The following LHFPL6 variants were observed in gnomAD, a reference collection of about 807,000 sequenced individuals.
The protein encoded by LHFPL6 is LHFPL tetraspan subfamily member 6 protein.
LHFPL6 carries 9 observed loss-of-function variants against 20.6 expected under a neutral mutation model. The ratio of observed to expected loss-of-function variants is 0.44; its 90% CI spans 0.26 to 0.76. The LOEUF is 0.76. Ranked by LOEUF, LHFPL6 falls within the 30% of genes least tolerant of loss-of-function variation. LHFPL6 has a pLI of 0.20. For synonymous variants in LHFPL6, 105 were observed against 98.7 expected, an observed-to-expected ratio of 1.06 and a Z score of -0.38; for missense variants, 218 against 253.5, an observed-to-expected ratio of 0.86 and a Z score of 0.95.
intron 2 of LHFPL6, among the ~76,000 whole-genome samples, chr13:39,482,306 T>C (rs1483398722): frequency 2.0e-5 from 3 of 152,262 alleles, no homozygotes; most frequent in East Asian, 3.9e-4. Flanking sequence ...TGGCCTGGCA[T>C]GGTGGCACAT....
Position 39,570,934 on chromosome 13 carries a change from T to C in LHFPL6, c.385+29898A>G, listed in dbSNP as rs546422266. Among the ~76,000 whole-genome samples the C allele has an allele frequency of 3.9e-5, 6 of 152,340 alleles. No homozygotes were observed. In the South Asian group the frequency reaches 1.0e-3, roughly 26 times the overall value. ...TTTTACCCATGGATAACATTCTTTA[T>C]CTCCCCATCCAGTCAGATTCAGTAA... On this transcript the variant is annotated intron_variant, in intron 2 of 3. Transcript: ENST00000379589.
rs372228333 is a variant in LHFPL6 at position 39,422,454 on chromosome 13, C to T, written c.386-43928G>A. Among the ~76,000 whole-genome samples, 8 of 151,978 alleles carry T rather than the reference C, an allele frequency of 5.3e-5. No individual in the cohort carries two copies. In the East Asian group the frequency reaches 1.2e-3, roughly 22 times the overall value. Reference sequence around the variant, plus strand: ...ACAAACAATTAGCCAGGCATGGTGGCACATGCCTGTAATCTCAGCTACTCA... The same window carrying T: ...ACAAACAATTAGCCAGGCATGGTGGTACATGCCTGTAATCTCAGCTACTCA... On this transcript the variant is annotated intron_variant, in intron 2 of 3. Coordinates refer to ENST00000379589, the MANE Select transcript of LHFPL6 (RefSeq NM_005780.3).
At chr13:39,400,510 G>A (rs1053151105) in intron 2 of LHFPL6, among the ~76,000 whole-genome samples, 16 of 152,262 alleles carry the variant, frequency 1.1e-4, no homozygotes, top group South Asian at 2.1e-4. Context: ...AAGGCCGGGC[G>A]CGGTGGCTCA....
intron 3 of LHFPL6, among the ~76,000 whole-genome samples, chr13:39,374,004 C>T (rs1870223325): frequency 6.6e-6 from 1 of 152,138 alleles, no homozygotes; most frequent in African/African-American, 2.4e-5. Flanking sequence ...TACCATTCAA[C>T]CCAGCAATCC....
At position 39,472,818 on chromosome 13, in the gene LHFPL6, C is replaced by T. The variant is rs562832715; in HGVS notation, c.386-94292G>A. 5.2e-4 allele frequency among the ~76,000 whole-genome samples: 79 copies of T among 152,240 alleles called. 1 individual carries two copies. Among genetic ancestry groups the T allele is most frequent in the Middle Eastern group, 6.8e-3 (2 of 294 alleles). On this transcript the variant is annotated intron_variant, in intron 2 of 3. Transcript: ENST00000379589. ...GAGATATGGGGTTTCACCAGGTTGG[C>T]CAGGCTAGTCTCGAACTCCTGACCT...
At chr13:39,363,599 A>T (rs1320060693) in intron 3 of LHFPL6, among the ~76,000 whole-genome samples, 1 of 152,098 alleles carries the variant, frequency 6.6e-6, no homozygotes, top group African/African-American at 2.4e-5. Flanking sequence ...TCCCAATGAG[A>T]ACACTGCTCC....
At chr13:39,445,390 A>G (rs539199626) in intron 2 of LHFPL6, among the ~76,000 whole-genome samples, 1 of 152,314 alleles carries the variant, frequency 6.6e-6, no homozygotes, top group African/African-American at 2.4e-5. Context: ...TTTACTGAAA[A>G]TAACTTTTCC....
intron 2 of LHFPL6, among the ~76,000 whole-genome samples, chr13:39,475,284 C>A (rs911973028): frequency 6.6e-6 from 1 of 152,124 alleles, no homozygotes; most frequent in African/African-American, 2.4e-5. Context: ...CCTTGCTTAT[C>A]ATGTGTAGAT....
At chr13:39,434,785 G>A (rs977240136) in intron 2 of LHFPL6, among the ~76,000 whole-genome samples, 4 of 152,078 alleles carry the variant, frequency 2.6e-5, no homozygotes, top group Non-Finnish European at 4.4e-5. Flanking sequence ...GGCTGGGCGC[G>A]GTGGCTCACG....
intron 2 of LHFPL6, among the ~76,000 whole-genome samples, chr13:39,533,897 C>T (rs371739214): frequency 1.3e-5 from 2 of 152,228 alleles, no homozygotes; most frequent in South Asian, 4.2e-4. Flanking sequence ...TGGGGGGTGA[C>T]AGTCATAGTA....
At chr13:39,401,321 C>T (rs1232807447) in intron 2 of LHFPL6, among the ~76,000 whole-genome samples, 1 of 152,234 alleles carries the variant, frequency 6.6e-6, no homozygotes, top group East Asian at 1.9e-4. Context: ...GTTCCTCCCT[C>T]TCTGTCTCTC....
chr13:39,463,106 G>A (rs1482309804), intron 2 of LHFPL6, among the ~76,000 whole-genome samples: 4 of 152,140 alleles, frequency 2.6e-5, no homozygotes, highest in Non-Finnish European at 1.5e-5. Flanking sequence ...GGGCTTCATC[G>A]CTATTGCCAG....
rs1252433065 is a variant in LHFPL6, at chr13:39,344,006, G to A, written c.533C>T (p.Thr178Ile). 6.2e-7 allele frequency: 1 copy of A among 1,613,790 alleles called. No individual in the cohort carries two copies. The highest frequency in any genetic ancestry group is 1.1e-5 in the South Asian group (1 of 91,044). Residue 178 changes from threonine (T) to isoleucine (I), a missense_variant, in exon 4 of 4, where the codon ACT (threonine) becomes ATT (isoleucine). Thr to Ile is a moderately conservative substitution (Grantham distance 89). Transcript: ENST00000379589. The stretch of plus-strand genomic sequence containing the variant: ...CCACGTGCACAGCAGCATGGCGGCA[G>A]TGGCACCTGCTCCCGTGCAGTAGTA... The part of the protein sequence containing the change: ...WAYYCTGAGA[T>I]AAMLLCTWLA...
chr13:39,506,647 C>T (rs1451040145), intron 2 of LHFPL6, among the ~76,000 whole-genome samples: 1 of 151,948 alleles, frequency 6.6e-6, no homozygotes, highest in African/African-American at 2.4e-5. Flanking sequence ...CTGTCAGCTC[C>T]TTAAGAAGCA....
intron 2 of LHFPL6, among the ~76,000 whole-genome samples, chr13:39,484,228 A>T (rs1301637592): frequency 6.6e-6 from 1 of 152,128 alleles, no homozygotes; most frequent in African/African-American, 2.4e-5. Context: ...GCCGGAATGA[A>T]CTTTTGATTC....
At chr13:39,480,086 A>T (rs973491489) in intron 2 of LHFPL6, among the ~76,000 whole-genome samples, 11 of 152,228 alleles carry the variant, frequency 7.2e-5, no homozygotes, top group Admixed American at 7.2e-4. Context: ...TACCACCCAT[A>T]ACACCACAAG....
At chr13:39,464,527 CAT>C (rs2138431342) in intron 2 of LHFPL6, among the ~76,000 whole-genome samples, 1 of 152,242 alleles carries the variant, frequency 6.6e-6, no homozygotes, top group South Asian at 2.1e-4. Flanking sequence ...ATGTAAAAAA[CAT>C]ATTTTAATAC....
At chr13:39,542,777 G>A (rs542214917) in intron 2 of LHFPL6, among the ~76,000 whole-genome samples, 27 of 152,250 alleles carry the variant, frequency 1.8e-4, no homozygotes, top group African/African-American at 5.3e-4. Flanking sequence ...AATACTTGTC[G>A]AGCCCGTTAT....
At chr13:39,533,933 AC>A (rs1870541588) in intron 2 of LHFPL6, among the ~76,000 whole-genome samples, 1 of 152,140 alleles carries the variant, frequency 6.6e-6, no homozygotes, top group Non-Finnish European at 1.5e-5. Flanking sequence ...ATTGGGTTGT[AC>A]ATGTGATTGG....
Sources: allele counts gnomAD v4.1 joint callset (sites outside exome capture counted in the v4.1 genomes callset), GRCh38; gene constraint gnomAD v4.1.1; transcripts MANE v1.5; gene names NCBI Gene and HGNC (gene_info 2026-07-23, HGNC 2026-07-21).